PRMT9: variants seen among roughly 807,000 people sequenced by gnomAD.
PRMT9 encodes the protein protein arginine methyltransferase 9.
A neutral mutation model predicts 83.2 loss-of-function variants in PRMT9; 59 were observed. The observed-to-expected ratio is 0.71, with a 90% CI of 0.57 to 0.88. The LOEUF is 0.88. Ranked by LOEUF, PRMT9 falls within the 40% of genes least tolerant of loss-of-function variation. The probability of loss-of-function intolerance (pLI) is 0.00; values close to 1 mark genes in which losing one functional copy is unlikely to be tolerated. For missense variants in PRMT9, 947 were observed against 1,021.9 expected (o/e 0.93, Z 1.00); for synonymous variants, 333 against 353.2 (o/e 0.94, Z 0.64).
chr4:147,648,175 A>C (rs1425531616), intron 9 of PRMT9, among the ~76,000 whole-genome samples: 3 of 152,178 alleles, frequency 2.0e-5, no homozygotes, highest in African/African-American at 7.2e-5. Flanking sequence ...AATGAGATAA[A>C]TGATGACTAA....
rs542942312 is a variant in PRMT9 at position 147,650,561 on chromosome 4, T to A, written c.2045+3291A>T. 1.2e-3 allele frequency among the ~76,000 whole-genome samples: 179 copies of A among 152,338 alleles called. 1 individual carries two copies. The highest frequency in any genetic ancestry group is 0.01 in the Middle Eastern group (3 of 294). ...GACACAGATGAATGGAAAGGCACAC[T>A]GTGTTCATGGATGGGAACACCTGCA... is the stretch of plus-strand genomic sequence containing the variant. On this transcript the variant is annotated intron_variant, in intron 9 of 11. Coordinates refer to ENST00000322396, the MANE Select transcript of PRMT9 (RefSeq NM_138364.4).
chr4:147,659,833 G>A (rs187394223), intron 7 of PRMT9, among the ~76,000 whole-genome samples: 19 of 152,042 alleles, frequency 1.2e-4, no homozygotes, highest in Admixed American at 9.8e-4. Context: ...CACCTGCCTC[G>A]GCCTCCCAAA....
intron 9 of PRMT9, among the ~76,000 whole-genome samples, chr4:147,653,075 C>T (rs1734224318): frequency 6.6e-6 from 1 of 152,174 alleles, no homozygotes; most frequent in Middle Eastern, 3.2e-3. Context: ...AAAACACACA[C>T]ATCCTCTTCC....
At position 147,683,963 on chromosome 4, in the gene PRMT9, G is replaced by C; in HGVS notation, c.25C>G (p.Arg9Gly). The change falls in exon 1 of 12, where the codon CGC becomes GGC. Residue 9 changes from arginine to glycine, a missense_variant. Transcript: ENST00000322396. MSNSRPRSRRDAGGGAGAA... is the reference protein window; with the variant it reads MSNSRPRSGRDAGGGAGAA... ...CCAGCGCCACCCCCGGCGTCTCGGC[G>C]GGACCTGGGCCGCGAGTTCGACATG... 1 of 1,612,896 alleles carries C rather than the reference G, an allele frequency of 6.2e-7. No homozygotes were observed. The highest frequency in any genetic ancestry group is 8.5e-7 in the Non-Finnish European group (1 of 1,179,666).
chr4:147,675,196 T>C (rs1735991659), intron 2 of PRMT9, among the ~76,000 whole-genome samples: 1 of 152,238 alleles, frequency 6.6e-6, no homozygotes, highest in Admixed American at 6.5e-5. Flanking sequence ...GTCAGGCTGG[T>C]CGCAAACTCC....
intron 11 of PRMT9, 61 bp downstream of exon 11, chr4:147,638,899 C>T (rs1483548543): frequency 2.0e-6 from 3 of 1,486,494 alleles, no homozygotes; most frequent in Non-Finnish European, 2.8e-6. Flanking sequence ...AAAGTATTAC[C>T]TAATTTAAGA....
At chr4:147,648,407 G>C (rs1350471733) in intron 9 of PRMT9, among the ~76,000 whole-genome samples, 1 of 152,186 alleles carries the variant, frequency 6.6e-6, no homozygotes, top group Non-Finnish European at 1.5e-5. Flanking sequence ...TGAACACATG[G>C]AGGTTCCTAG....
chr4:147,681,539 C>T (rs1736469251), intron 1 of PRMT9, among the ~76,000 whole-genome samples: 1 of 152,160 alleles, frequency 6.6e-6, no homozygotes, highest in Admixed American at 6.5e-5. Context: ...GTAATCCCAG[C>T]CCTTTGGGAG....
At chr4:147,678,557 T>G (rs545541143) in intron 2 of PRMT9, among the ~76,000 whole-genome samples, 111 of 152,376 alleles carry the variant, frequency 7.3e-4, no homozygotes, top group Non-Finnish European at 1.2e-3. Context: ...TTGGCTGGCA[T>G]CTGGGAATTT....
chr4:147,661,714 C>T (rs764859804), intron 6 of PRMT9, among the ~76,000 whole-genome samples: 3 of 136,286 alleles, frequency 2.2e-5, no homozygotes, highest in Non-Finnish European at 4.5e-5. Flanking sequence ...GCAGTGAACC[C>T]GGAAGGCTGA....
At chr4:147,660,034 C>T (rs1734846253) in intron 7 of PRMT9, among the ~76,000 whole-genome samples, 1 of 152,170 alleles carries the variant, frequency 6.6e-6, no homozygotes, top group Admixed American at 6.5e-5. Context: ...ACCATGAAGG[C>T]TGGTCACCAT....
intron 8 of PRMT9, 76 bp downstream of exon 8, chr4:147,657,716 A>ATT: frequency 3.8e-6 from 4 of 1,044,710 alleles, no homozygotes; most frequent in Admixed American, 2.1e-5. Flanking sequence ...ATCCAAAGTA[A>ATT]TTTTTTTTTT....
chr4:147,681,023 C>A (rs2126642349), intron 1 of PRMT9, among the ~76,000 whole-genome samples: 1 of 152,302 alleles, frequency 6.6e-6, no homozygotes, highest in African/African-American at 2.4e-5. Flanking sequence ...CAACATAAAT[C>A]TTGTTCTTAT....
Position 147,657,963 on chromosome 4 carries a change from G to A in PRMT9, c.1159C>T (p.Leu387Phe), listed in dbSNP as rs750723678. 2 of 1,599,048 alleles carry A rather than the reference G, an allele frequency of 1.3e-6. No individual in the cohort carries two copies. Among genetic ancestry groups the A allele is most frequent in the South Asian group, 1.1e-5 (1 of 90,282 alleles). The change falls in exon 8 of 12, where the codon CTT (leucine) becomes TTT (phenylalanine). Residue 387 changes from leucine (L) to phenylalanine (F), a missense_variant. Coordinates refer to ENST00000322396, the MANE Select transcript of PRMT9 (RefSeq NM_138364.4). ...ATCTTATCAGGCTTTTTAGTTGCAA[G>A]ACTTTTTAATTCCTGAGAAAAATGT... The part of the protein sequence containing the change: ...DFNNLQELKS[L>F]ATKKPDKIGI...
intron 8 of PRMT9, among the ~76,000 whole-genome samples, chr4:147,657,243 C>T (rs1289195095): frequency 1.3e-5 from 2 of 151,942 alleles, no homozygotes; most frequent in Admixed American, 1.3e-4. Flanking sequence ...CTAGAAAAAT[C>T]GGCCGGGCGC....
chr4:147,666,085 T>C (rs996804697), intron 6 of PRMT9, among the ~76,000 whole-genome samples: 3 of 152,200 alleles, frequency 2.0e-5, no homozygotes, highest in Admixed American at 1.3e-4. Context: ...TATGAGAAAA[T>C]AAGATATCAA....
chr4:147,638,899 CTAATT>C (rs1733190501), intron 11 of PRMT9, 56 bp downstream of exon 11: 4 of 1,486,612 alleles, frequency 2.7e-6, no homozygotes, highest in Non-Finnish European at 2.8e-6. Flanking sequence ...AAAGTATTAC[CTAATT>C]TAAGATAATT....
chr4:147,651,180 A>G (rs1482679092), intron 9 of PRMT9, among the ~76,000 whole-genome samples: 1 of 152,170 alleles, frequency 6.6e-6, no homozygotes, highest in Non-Finnish European at 1.5e-5. Flanking sequence ...TATGTTTTCC[A>G]AAATATACAA....
chr4:147,652,454 C>CAA lies in PRMT9; in HGVS notation c.2045+1396_2045+1397dup, dbSNP rs554211414. 2.9e-3 allele frequency among the ~76,000 whole-genome samples: 409 copies of CAA among 143,040 alleles called. 3 individuals carry two copies. Among genetic ancestry groups the CAA allele is most frequent in the African/African-American group, 9.7e-3 (385 of 39,724 alleles). 93.8% of individuals were successfully genotyped at this position (143,040 alleles called of 152,430 possible). On this transcript the variant is annotated intron_variant, in intron 9 of 11. Coordinates refer to ENST00000322396, the MANE Select transcript of PRMT9 (RefSeq NM_138364.4). Reference sequence around the variant, plus strand: ...CGACAGGGCGAGACTCCATCTCAAACAAAAAAAAAAAATCACTTAATTATC... The same window carrying CAA: ...CGACAGGGCGAGACTCCATCTCAAACAAAAAAAAAAAAAATCACTTAATTATC...
Sources: gnomAD v4.1 joint callset for allele counts (sites outside exome capture counted in the v4.1 genomes callset) on GRCh38, gnomAD v4.1.1 for gene constraint, MANE v1.5 for transcripts, NCBI Gene and HGNC (gene_info 2026-07-23, HGNC 2026-07-21) for gene names.